The following BLK variants were observed in gnomAD, a reference collection of about 807,000 sequenced individuals.
BLK encodes BLK proto-oncogene, Src family tyrosine kinase, also known as tyrosine-protein kinase Blk.
In BLK, 64 loss-of-function variants were observed where a neutral mutation model predicts 61.8. The ratio of observed to expected loss-of-function variants is 1.03; its 90% confidence interval spans 0.85 to 1.27. The LOEUF (loss-of-function observed/expected upper bound fraction) is 1.27, where lower values mean the gene tolerates loss of function less well. Ranked by LOEUF, BLK falls within the 50% of genes most tolerant of loss-of-function variation. The probability of loss-of-function intolerance (pLI) is 0.00; values close to 1 mark genes in which losing one functional copy is unlikely to be tolerated. For missense variants in BLK, 853 were observed against 660.5 expected (o/e 1.29, Z -3.19); for synonymous variants, 351 against 272.0 (o/e 1.29, Z -2.86).
At chr8:11,556,631 T>C (rs1450085651) in intron 8 of BLK, 27 bp from the exon 9 acceptor site, 3 of 1,613,840 alleles carry the variant, frequency 1.9e-6, no homozygotes, top group Non-Finnish European at 2.5e-6. Flanking sequence ...TGTCTTCTGA[T>C]TGGCTTCTTC....
chr8:11,500,203 T>C (rs1585315474), intron 1 of BLK, among the ~76,000 whole-genome samples: 2 of 152,188 alleles, frequency 1.3e-5, no homozygotes, highest in Admixed American at 1.3e-4. Flanking sequence ...GTTTTTGTTG[T>C]TGTTGTTTGA....
chr8:11,495,227 C>A (rs758844576), intron 1 of BLK, among the ~76,000 whole-genome samples: 1 of 152,192 alleles, frequency 6.6e-6, no homozygotes, highest in East Asian at 1.9e-4. Flanking sequence ...GTTTTGACAA[C>A]GTTTCCATTT....
intron 1 of BLK, among the ~76,000 whole-genome samples, chr8:11,532,147 A>T (rs1799911468): frequency 6.9e-6 from 1 of 144,894 alleles, no homozygotes; most frequent in South Asian, 2.2e-4. Context: ...GCATGAGCCA[A>T]TGTACCTGGT....
At chr8:11,542,967 C>T (rs1172210190) in intron 1 of BLK, among the ~76,000 whole-genome samples, 1 of 152,184 alleles carries the variant, frequency 6.6e-6, no homozygotes, top group Non-Finnish European at 1.5e-5. Context: ...CAGTGGTTTC[C>T]AGCGGTTATC....
chr8:11,516,307 G>A (rs1338559025), intron 1 of BLK, among the ~76,000 whole-genome samples: 2 of 152,246 alleles, frequency 1.3e-5, no homozygotes, highest in African/African-American at 4.8e-5. Context: ...GACAGACACT[G>A]TCGTGGATGC....
chr8:11,525,008 T>C (rs1799598058), intron 1 of BLK, among the ~76,000 whole-genome samples: 1 of 152,204 alleles, frequency 6.6e-6, no homozygotes, highest in Non-Finnish European at 1.5e-5. Flanking sequence ...ATTTTATCTT[T>C]CACTCTATTT....
intron 1 of BLK, among the ~76,000 whole-genome samples, chr8:11,518,172 C>T (rs1234438491): frequency 2.0e-5 from 3 of 152,182 alleles, no homozygotes; most frequent in Non-Finnish European, 2.9e-5. Context: ...GTGCCAGCAG[C>T]CTGCACAGAG....
intron 1 of BLK, among the ~76,000 whole-genome samples, chr8:11,529,519 C>G (rs1799803760): frequency 6.6e-6 from 1 of 152,042 alleles, no homozygotes; most frequent in African/African-American, 2.4e-5. Context: ...TGCAAAATAT[C>G]TCAAGCGCTG....
chr8:11,506,481 C>T (rs1798773542), intron 1 of BLK, among the ~76,000 whole-genome samples: 1 of 152,146 alleles, frequency 6.6e-6, no homozygotes, highest in African/African-American at 2.4e-5. Flanking sequence ...TGTGGGTGGG[C>T]TCAGGTGAAT....
chr8:11,557,007 A>C (rs947248793), intron 9 of BLK, among the ~76,000 whole-genome samples, 170 bp downstream of exon 9: 1 of 151,234 alleles, frequency 6.6e-6, no homozygotes, highest in Non-Finnish European at 1.5e-5. Context: ...GGACAGAGGG[A>C]GGGTGAGAAA....
intron 9 of BLK, among the ~76,000 whole-genome samples, chr8:11,557,527 C>G (rs930828032): frequency 6.6e-6 from 1 of 152,214 alleles, no homozygotes; most frequent in Non-Finnish European, 1.5e-5. Context: ...ACCTGGGGGA[C>G]AGTTCTCTCC....
intron 1 of BLK, among the ~76,000 whole-genome samples, chr8:11,504,618 G>C (rs139716452): frequency 6.6e-6 from 1 of 152,294 alleles, no homozygotes; most frequent in African/African-American, 2.4e-5. Flanking sequence ...TTAGTTAATT[G>C]CAGGCGGGAG....
At position 11,561,388 on chromosome 8, in the gene BLK, G is replaced by C; in HGVS notation, c.1116G>C (p.Leu372Phe). Reference protein sequence around the residue: ...RAANILVSEALCCKIADFGLA... With the variant: ...RAANILVSEAFCCKIADFGLA... Reference sequence around the variant, plus strand: ...CCAACATCCTGGTGTCTGAGGCCTTGTGCTGCAAAATTGCTGATTTTGGCT... The same window carrying C: ...CCAACATCCTGGTGTCTGAGGCCTTCTGCTGCAAAATTGCTGATTTTGGCT... Residue 372 changes from leucine to phenylalanine, a missense_variant, in exon 11 of 13, where the codon TTG (leucine) becomes TTC (phenylalanine). Leu to Phe is a conservative substitution (Grantham distance 22). Transcript: ENST00000259089. The C allele has an allele frequency of 1.2e-6, 2 of 1,614,148 alleles. No homozygotes were observed. The highest frequency in any genetic ancestry group is 1.1e-5 in the South Asian group (1 of 91,064).
chr8:11,547,839 C>T (rs918168457), intron 3 of BLK, among the ~76,000 whole-genome samples, 193 bp from the exon 4 acceptor site: 1 of 152,056 alleles, frequency 6.6e-6, no homozygotes, highest in Non-Finnish European at 1.5e-5. Flanking sequence ...CAACGGAGGA[C>T]AGGATGGGCT....
chr8:11,555,022 G>C (rs747202092), intron 7 of BLK, 133 bp downstream of exon 7: 52 of 1,394,054 alleles, frequency 3.7e-5, no homozygotes, highest in Non-Finnish European at 5.1e-5. Flanking sequence ...TAGGCCTAAG[G>C]AGGTAGCAAC....
At chr8:11,542,642 C>A (rs768332311) in intron 1 of BLK, among the ~76,000 whole-genome samples, 62 of 152,346 alleles carry the variant, frequency 4.1e-4, no homozygotes, top group Non-Finnish European at 6.8e-4. Flanking sequence ...CATCTTCCCC[C>A]CTTTAAGGAG....
rs531375100 is a variant in BLK at position 11,562,857 on chromosome 8, G to C, written c.1181-122G>C. The C allele has an allele frequency of 2.4e-3, 3,413 of 1,416,628 alleles. 31 individuals are homozygous for C. The highest frequency in any genetic ancestry group is 0.013 in the South Asian group (1,039 of 79,354). 87.8% of individuals were successfully genotyped at this position (1,416,628 alleles called of 1,614,324 possible). A position where few individuals can be genotyped will look rare whatever the true frequency, so the allele number is the denominator to read the frequency against. ...CTCCCCCGCCATGCCTGGCCGCCCC[G>C]CCCTGTGAGGCCCCGCAGTGGGGGC... On this transcript the variant is annotated intron_variant, in intron 11 of 12. Coordinates refer to ENST00000259089, the MANE Select transcript of BLK (RefSeq NM_001715.3).
chr8:11,555,227 T>G (rs956705963), intron 7 of BLK, 105 bp from the exon 8 acceptor site: 1 of 1,445,330 alleles, frequency 6.9e-7, no homozygotes, highest in Non-Finnish European at 9.6e-7. Context: ...ATGCAGGGGG[T>G]GGGGTGGCTG....
chr8:11,530,499 G>C (rs1414690651), intron 1 of BLK, among the ~76,000 whole-genome samples: 1 of 152,204 alleles, frequency 6.6e-6, no homozygotes, highest in Non-Finnish European at 1.5e-5. Flanking sequence ...CTCCAACTGT[G>C]TCTTGCTACA....
Sources: gnomAD v4.1 joint callset for allele counts (sites outside exome capture counted in the v4.1 genomes callset) on GRCh38, gnomAD v4.1.1 for gene constraint, MANE v1.5 for transcripts, NCBI Gene and HGNC (gene_info 2026-07-23, HGNC 2026-07-21) for gene names.